Variants in TCF7L2 observed in about 807,000 individuals in gnomAD.
TCF7L2 encodes the protein transcription factor 7 like 2.
Under a neutral mutation model 77.9 loss-of-function variants are expected in TCF7L2, and 23 were observed. The ratio of observed to expected loss-of-function variants is 0.30; its 90% CI spans 0.21 to 0.42. TCF7L2 has a LOEUF of 0.42. TCF7L2 is among the 10% of genes least tolerant of loss of function. The probability of loss-of-function intolerance (pLI) is 1.00; values close to 1 mark genes in which losing one functional copy is unlikely to be tolerated. For synonymous variants in TCF7L2, 413 were observed against 340.2 expected, an observed-to-expected ratio of 1.21 and a Z score of -2.36; for missense variants, 654 against 793.1, an observed-to-expected ratio of 0.82 and a Z score of 2.11.
intron 4 of TCF7L2, among the ~76,000 whole-genome samples, chr10:112,991,510 A>G (rs2042538462): frequency 6.6e-6 from 1 of 151,702 alleles, no homozygotes. Flanking sequence ...TCCATCTCAA[A>G]AAAAAAAAGA....
chr10:112,990,038 TG>T (rs1325400292), intron 4 of TCF7L2, among the ~76,000 whole-genome samples: 1 of 152,184 alleles, frequency 6.6e-6, no homozygotes, highest in Non-Finnish European at 1.5e-5. Flanking sequence ...AAGTTCAGGT[TG>T]GCACGTTGCA....
intron 4 of TCF7L2, among the ~76,000 whole-genome samples, chr10:112,969,565 A>G (rs2037777197): frequency 6.6e-6 from 1 of 152,166 alleles, no homozygotes; most frequent in African/African-American, 2.4e-5. Flanking sequence ...TCTGAGAGAG[A>G]CTTGAGTGCT....
In TCF7L2 at chr10:113,019,004, G is replaced by A. The variant is rs141347008; in HGVS notation, c.451-21021G>A. On this transcript the variant is annotated intron_variant, in intron 4 of 13. Transcript: ENST00000627217. Reference sequence around the variant, plus strand: ...GCGTCCAGAGGGAGCACAAGAGGGAGGGACAAATCTTGGGAGGGTCCCGGG... The same window carrying A: ...GCGTCCAGAGGGAGCACAAGAGGGAAGGACAAATCTTGGGAGGGTCCCGGG... 1.1e-3 allele frequency among the ~76,000 whole-genome samples: 170 copies of A among 152,294 alleles called. 2 individuals are homozygous for A. The highest frequency in any genetic ancestry group is 3.9e-3 in the African/African-American group (162 of 41,550).
chr10:113,158,861 G>A, intron 12 of TCF7L2, 144 bp downstream of exon 13: 1 of 656,590 alleles, frequency 1.5e-6, no homozygotes. Context: ...GTATGTTTCA[G>A]TAGATTTTTT....
chr10:113,033,965 G>A (rs1005011274), intron 4 of TCF7L2, among the ~76,000 whole-genome samples: 1 of 152,210 alleles, frequency 6.6e-6, no homozygotes, highest in Non-Finnish European at 1.5e-5. Context: ...TCAGAGGGTA[G>A]GGCAGAATAT....
intron 4 of TCF7L2, among the ~76,000 whole-genome samples, chr10:112,986,334 C>A (rs1432418651): frequency 6.6e-6 from 1 of 152,110 alleles, no homozygotes. Context: ...ACAGGCTTGG[C>A]ACCCACTTAC....
intron 4 of TCF7L2, among the ~76,000 whole-genome samples, chr10:112,973,645 A>G (rs1173228560): frequency 6.6e-6 from 1 of 152,172 alleles, no homozygotes; most frequent in Non-Finnish European, 1.5e-5. Flanking sequence ...GCTGGAGTAC[A>G]GTGGTGCCAT....
chr10:113,148,810 T>C (rs1038328767), intron 8 of TCF7L2, among the ~76,000 whole-genome samples: 11 of 152,214 alleles, frequency 7.2e-5, no homozygotes, highest in African/African-American at 2.7e-4. Flanking sequence ...CTTTCTTTGC[T>C]GAACATTTTT....
At chr10:113,092,614 G>T (rs1224949257) in intron 5 of TCF7L2, among the ~76,000 whole-genome samples, 1 of 152,090 alleles carries the variant, frequency 6.6e-6, no homozygotes, top group East Asian at 1.9e-4. Flanking sequence ...GGTGTGGTGG[G>T]TCATGCCTGT....
At chr10:112,978,894 C>A (rs2039958369) in intron 4 of TCF7L2, among the ~76,000 whole-genome samples, 1 of 152,076 alleles carries the variant, frequency 6.6e-6, no homozygotes, top group Non-Finnish European at 1.5e-5. Flanking sequence ...AGGTTTGTTA[C>A]ATATGTATAC....
intron 4 of TCF7L2, among the ~76,000 whole-genome samples, chr10:112,984,035 A>G (rs1008944659): frequency 1.3e-5 from 2 of 152,214 alleles, no homozygotes; most frequent in African/African-American, 2.4e-5. Flanking sequence ...CTGATTCCAG[A>G]AGGTACAGTT....
At chr10:113,014,458 T>C (rs1472780552) in intron 4 of TCF7L2, among the ~76,000 whole-genome samples, 1 of 152,220 alleles carries the variant, frequency 6.6e-6, no homozygotes, top group East Asian at 1.9e-4. Context: ...ATTATGTCAA[T>C]GTGAGAATTC....
chr10:113,116,201 T>C lies in TCF7L2; in HGVS notation c.553-24983T>C, dbSNP rs536774389. Among the ~76,000 whole-genome samples the C allele has an allele frequency of 3.3e-5, 5 of 152,290 alleles. No individual in the cohort carries two copies. The South Asian group carries it at 1.0e-3, about 32-fold the overall frequency. ...TTATCATTTTCTCCCTCTTTTCCCT[T>C]CCCCTTCCCCTTTTGTAGGTTATAA... On this transcript the variant is annotated intron_variant, in intron 5 of 13. Transcript: ENST00000627217.
chr10:112,994,259 C>G (rs1163930228), intron 4 of TCF7L2, among the ~76,000 whole-genome samples: 1 of 152,162 alleles, frequency 6.6e-6, no homozygotes, highest in Admixed American at 6.5e-5. Context: ...TTCCTCTCCC[C>G]CCAGCCCCTG....
At chr10:113,099,153 T>C (rs2061365321) in intron 5 of TCF7L2, among the ~76,000 whole-genome samples, 1 of 148,094 alleles carries the variant, frequency 6.8e-6, no homozygotes, top group South Asian at 2.1e-4. Context: ...TTTGTGGATT[T>C]ATGAGAATTC....
intron 4 of TCF7L2, among the ~76,000 whole-genome samples, chr10:112,988,965 C>T (rs1457561261): frequency 6.6e-6 from 1 of 152,106 alleles, no homozygotes. Flanking sequence ...CCCAGGGATA[C>T]ATAGCTAGCA....
rs969729974 is a variant in TCF7L2, at chr10:112,956,880, A to G, written c.381+5273A>G. Among the ~76,000 whole-genome samples, 3 of 152,166 alleles carry G rather than the reference A, an allele frequency of 2.0e-5. No individual in the cohort carries two copies. The South Asian group carries it at 6.2e-4, about 32-fold the overall frequency. Reference sequence around the variant, plus strand: ...AGATTTCTCTCACTAATTATAAGCAATGAGATGGGGGGAGGTGGTGGTATC... The same window carrying G: ...AGATTTCTCTCACTAATTATAAGCAGTGAGATGGGGGGAGGTGGTGGTATC... On this transcript the variant is annotated intron_variant, in intron 3 of 13. Coordinates refer to ENST00000627217, the MANE Select transcript of TCF7L2 (RefSeq NM_001146274.2).
intron 5 of TCF7L2, among the ~76,000 whole-genome samples, chr10:113,073,480 A>G (rs1241446516): frequency 6.8e-6 from 1 of 146,312 alleles, no homozygotes; most frequent in Non-Finnish European, 1.5e-5. Flanking sequence ...AGGCTGGGCA[A>G]CAAAGCAAGA....
At chr10:113,027,960 G>A (rs1590694374) in intron 4 of TCF7L2, among the ~76,000 whole-genome samples, 1 of 152,212 alleles carries the variant, frequency 6.6e-6, no homozygotes, top group Admixed American at 6.5e-5. Flanking sequence ...GCAGTCAGAC[G>A]AGAAGCGTGT....
Sources: gnomAD v4.1 joint callset for allele counts (sites outside exome capture counted in the v4.1 genomes callset) on GRCh38, gnomAD v4.1.1 for gene constraint, MANE v1.5 for transcripts, NCBI Gene and HGNC (gene_info 2026-07-23, HGNC 2026-07-21) for gene names.